Variants in CRAT observed in about 807,000 individuals in gnomAD.
The protein encoded by CRAT is carnitine acetylase.
A neutral mutation model predicts 73.7 loss-of-function variants in CRAT; 66 were observed. That is an observed-to-expected ratio of 0.90 (90% CI 0.73 to 1.10). The LOEUF (loss-of-function observed/expected upper bound fraction) is 1.10, where lower values mean the gene tolerates loss of function less well. CRAT is among the 50% of genes least tolerant of loss of function. The probability of loss-of-function intolerance (pLI) is 0.00; values close to 1 mark genes in which losing one functional copy is unlikely to be tolerated. For synonymous variants in CRAT, 321 were observed against 343.2 expected (o/e 0.94, Z 0.71); for missense variants, 745 against 846.9 (o/e 0.88, Z 1.49).
intron 8 of CRAT, 72 bp from the exon 9 acceptor site, chr9:129,098,722 G>C (rs765289414): frequency 1.2e-5 from 19 of 1,524,098 alleles, no homozygotes; most frequent in Non-Finnish European, 1.7e-5. Context: ...GACCAGGGTG[G>C]GGAGGATGGG....
Position 129,101,980 on chromosome 9 carries a change from G to C in CRAT, c.708C>G (p.Ile236Met), listed in dbSNP as rs146922489. Reference sequence around the variant, plus strand: ...TGTTGGTCTGTAGGGATGAGTTCCAGATCTTCTCCAGCTGCACAAAGATCT... The same window carrying C: ...TGTTGGTCTGTAGGGATGAGTTCCACATCTTCTCCAGCTGCACAAAGATCT... Reference protein sequence around the residue: ...ADQIFVQLEKIWNSSLQTNKE... With the variant: ...ADQIFVQLEKMWNSSLQTNKE... Residue 236 changes from isoleucine to methionine, a missense_variant, in exon 6 of 14, where the codon ATC (isoleucine) becomes ATG (methionine). Ile to Met is a conservative substitution (Grantham distance 10). Transcript: ENST00000318080. 6.8e-6 allele frequency: 11 copies of C among 1,614,090 alleles called. No homozygotes were observed. The highest frequency in any genetic ancestry group is 5.3e-5 in the African/African-American group (4 of 74,956).
intron 8 of CRAT, among the ~76,000 whole-genome samples, chr9:129,099,017 C>T (rs1199193773): frequency 6.6e-6 from 1 of 151,432 alleles, no homozygotes; most frequent in East Asian, 1.9e-4. Context: ...TGCTCTGTCA[C>T]CCAGGCTGGA....
At chr9:129,101,804 C>A in intron 6 of CRAT, 79 bp downstream of exon 6, 1 of 1,505,468 alleles carries the variant, frequency 6.6e-7, no homozygotes, top group Non-Finnish European at 9.0e-7. Context: ...TTCGGGTACC[C>A]TACAGGTGGA....
Position 129,107,664 on chromosome 9 carries a change from G to A in CRAT, c.291+150C>T, listed in dbSNP as rs1848096464. 9.2e-7 allele frequency: 1 copy of A among 1,085,924 alleles called. No individual in the cohort carries two copies. The highest frequency in any genetic ancestry group is 1.4e-6 in the Non-Finnish European group (1 of 720,550). 67.3% of individuals were successfully genotyped at this position (1,085,924 alleles called of 1,614,324 possible). A position where few individuals can be genotyped will look rare whatever the true frequency, so the allele number is the denominator to read the frequency against. On this transcript the variant is annotated intron_variant, in intron 2 of 13. Coordinates refer to ENST00000318080, the MANE Select transcript of CRAT (RefSeq NM_000755.5). The surrounding 1 kb of genome is among the most constrained non-coding windows in gnomAD (Gnocchi z 5.0). ...AGGAGCTGGTGACTGTGTCCTTCTT[G>A]ATCACCCAGCACCCTGCCAAGTGCC...
At chr9:129,100,731 A>G (rs976238272) in intron 6 of CRAT, 42 bp from the exon 7 acceptor site, 15 of 1,582,404 alleles carry the variant, frequency 9.5e-6, no homozygotes, top group African/African-American at 4.0e-5. Flanking sequence ...ATGGGGTCTC[A>G]TGGTGTGGGA....
rs769843161 is a variant in CRAT, at chr9:129,098,086, C to T, written c.1391G>A (p.Arg464His). Residue 464 changes from arginine (R) to histidine (H), a missense_variant, in exon 11 of 14, where the codon CGC becomes CAC. By Grantham distance (29) the Arg-to-His change is conservative. Transcript: ENST00000318080. Reference protein sequence around the residue: ...SASLRMFHLGRTDTIRSASMD... With the variant: ...SASLRMFHLGHTDTIRSASMD... Reference sequence around the variant, plus strand: ...GGAAGCCGAGCGGATGGTGTCGGTGCGGCCCAGGTGAAACATGCGCAGGGA... The same window carrying T: ...GGAAGCCGAGCGGATGGTGTCGGTGTGGCCCAGGTGAAACATGCGCAGGGA... 53 of 1,613,912 alleles carry T rather than the reference C, an allele frequency of 3.3e-5. 1 individual carries two copies. In the East Asian group the frequency reaches 5.6e-4, roughly 17 times the overall value.
At chr9:129,096,653 C>T (rs1036028650) in intron 12 of CRAT, among the ~76,000 whole-genome samples, 4 of 152,210 alleles carry the variant, frequency 2.6e-5, no homozygotes, top group South Asian at 2.1e-4. Flanking sequence ...GTATACCTAG[C>T]GTCAGGGAGA....
chr9:129,103,068 T>C lies in CRAT; in HGVS notation c.411-2A>G. The C allele has an allele frequency of 6.2e-7, 1 of 1,613,930 alleles. No individual in the cohort carries two copies. The highest frequency in any genetic ancestry group is 8.5e-7 in the Non-Finnish European group (1 of 1,179,826). On this transcript the variant is annotated splice_acceptor_variant, in intron 3 of 13. Transcript: ENST00000318080. LOFTEE classifies it high-confidence loss of function. This position sits in a 1 kb window ranked among gnomAD's most constrained non-coding sequence, Gnocchi z 4.6. ...CCCTCAATGAGTTTGGCAGCAAATC[T>C]GGAAAGATTGATTAGAGATTAGAAG...
At chr9:129,095,732 C>T (rs973242251) in intron 13 of CRAT, 120 bp from the exon 14 acceptor site, 106 of 1,077,670 alleles carry the variant, frequency 9.8e-5, no homozygotes, top group Non-Finnish European at 1.4e-4. Flanking sequence ...ATGGTCTGTC[C>T]CCTGCTATAT....
intron 11 of CRAT, 71 bp downstream of exon 11, chr9:129,097,942 G>T: frequency 6.4e-7 from 1 of 1,572,200 alleles, no homozygotes; most frequent in Middle Eastern, 2.2e-4. Context: ...CTCAATTATT[G>T]TGTGTTGACT....
At chr9:129,108,815 CT>C in intron 1 of CRAT, 1 of 1,304,304 alleles carries the variant, frequency 7.7e-7, no homozygotes, top group East Asian at 5.5e-5. Context: ...GTTCTGGGCC[CT>C]GTCTGTCTGC....
intron 6 of CRAT, among the ~76,000 whole-genome samples, chr9:129,101,285 G>A (rs1414886029): frequency 6.6e-6 from 1 of 152,194 alleles, no homozygotes. Context: ...GGGGAATGTT[G>A]GGAAAAGGAC....
In CRAT at chr9:129,107,787, G is replaced by C; in HGVS notation, c.291+27C>G. The C allele has an allele frequency of 6.2e-7, 1 of 1,613,092 alleles. No homozygotes were observed. Among genetic ancestry groups the C allele is most frequent in the Non-Finnish European group, 8.5e-7 (1 of 1,180,002 alleles). ...AACTGTGCATGTGCAGCCAGCAGCA[G>C]GTCACAGTGAGGATGCCCTCACTCA... is the stretch of plus-strand genomic sequence containing the variant. On this transcript the variant is annotated intron_variant, in intron 2 of 13. Transcript: ENST00000318080. This position sits in a 1 kb window ranked among gnomAD's most constrained non-coding sequence, Gnocchi z 5.0.
chr9:129,102,624 G>C, intron 4 of CRAT, 59 bp from the exon 5 acceptor site: 1 of 1,586,212 alleles, frequency 6.3e-7, no homozygotes, highest in East Asian at 2.2e-5. Flanking sequence ...AGGAGGGCAG[G>C]GTAGACAGGG....
intron 11 of CRAT, 160 bp downstream of exon 11, chr9:129,097,853 G>C: frequency 1.9e-6 from 2 of 1,035,702 alleles, no homozygotes; most frequent in Non-Finnish European, 2.8e-6. Context: ...TTGGTCCCCA[G>C]GAAGCTCAGA....
At position 129,104,665 on chromosome 9, in the gene CRAT, C is replaced by T. The variant is rs184159363; in HGVS notation, c.292-359G>A. ...TGTCATGCAGGCTGGAGTGCAGTGG[C>T]GCAATCTCGGCTCACTGCAAGCTCC... On this transcript the variant is annotated intron_variant, in intron 2 of 13. Coordinates refer to ENST00000318080, the MANE Select transcript of CRAT (RefSeq NM_000755.5). 3.6e-3 allele frequency among the ~76,000 whole-genome samples: 541 copies of T among 151,262 alleles called. 1 individual carries two copies. The highest frequency in any genetic ancestry group is 0.011 in the African/African-American group (457 of 41,178).
In CRAT at chr9:129,102,076, G is replaced by T. The variant is rs1422457510; in HGVS notation, c.631-19C>A. The T allele has an allele frequency of 1.2e-6, 2 of 1,611,076 alleles. No homozygotes were observed. Among genetic ancestry groups the T allele is most frequent in the South Asian group, 1.1e-5 (1 of 90,702 alleles). ...CAAAAAACTGTTGGGGCACAGGCAGGTAAGAGGAGGGAGCTGAGTGGGGAC... is the reference window on the plus strand; with the variant it reads ...CAAAAAACTGTTGGGGCACAGGCAGTTAAGAGGAGGGAGCTGAGTGGGGAC... On this transcript the variant is annotated intron_variant, in intron 5 of 13. Transcript: ENST00000318080.
rs573304415 is a variant in CRAT, at chr9:129,107,668, A to G, written c.291+146T>C. 2.3e-4 allele frequency: 256 copies of G among 1,134,030 alleles called. No homozygotes were observed. The African/African-American group carries it at 3.5e-3, about 16-fold the overall frequency. The allele number at this position is 1,134,030 out of a possible 1,614,324, so 70.2% of individuals were successfully genotyped here. On this transcript the variant is annotated intron_variant, in intron 2 of 13. Coordinates refer to ENST00000318080, the MANE Select transcript of CRAT (RefSeq NM_000755.5). The surrounding 1 kb of genome is among the most constrained non-coding windows in gnomAD (Gnocchi z 5.0). Reference sequence around the variant, plus strand: ...GCTGGTGACTGTGTCCTTCTTGATCACCCAGCACCCTGCCAAGTGCCAGAC... The same window carrying G: ...GCTGGTGACTGTGTCCTTCTTGATCGCCCAGCACCCTGCCAAGTGCCAGAC...
At chr9:129,104,395 T>C (rs936728707) in intron 2 of CRAT, 89 bp from the exon 3 acceptor site, 19 of 971,172 alleles carry the variant, frequency 2.0e-5, no homozygotes, top group Non-Finnish European at 2.9e-5. Context: ...CTGGCCCCCA[T>C]GCCCTCTACC....
Sources: allele counts gnomAD v4.1 joint callset (sites outside exome capture counted in the v4.1 genomes callset), GRCh38; gene constraint gnomAD v4.1.1; non-coding constraint Gnocchi (gnomAD v3.1); transcripts MANE v1.5; gene names NCBI Gene and HGNC (gene_info 2026-07-23, HGNC 2026-07-21).